The following SPECC1 variants were observed in gnomAD, a reference collection of about 807,000 sequenced individuals.
SPECC1 encodes the protein cytospin-B.
Under a neutral mutation model 104.1 loss-of-function variants are expected in SPECC1, and 62 were observed. The observed-to-expected ratio is 0.60, with a 90% confidence interval of 0.49 to 0.74. SPECC1 has a LOEUF of 0.74. Ranked by LOEUF, SPECC1 falls within the 30% of genes least tolerant of loss-of-function variation. The pLI is 0.00. For synonymous variants in SPECC1, 513 were observed against 501.6 expected, an observed-to-expected ratio of 1.02 and a Z score of -0.30; for missense variants, 1,306 against 1,310.5, an observed-to-expected ratio of 1.00 and a Z score of 0.05.
intron 1 of SPECC1, among the ~76,000 whole-genome samples, chr17:20,084,365 G>C (rs1036001979): frequency 1.4e-4 from 21 of 152,228 alleles, no homozygotes; most frequent in African/African-American, 4.6e-4. Context: ...GGAGGCAGAG[G>C]TTGCAGTGAG....
At chr17:20,031,374 C>T (rs976225392) in intron 1 of SPECC1, among the ~76,000 whole-genome samples, 16 of 152,022 alleles carry the variant, frequency 1.1e-4, no homozygotes, top group African/African-American at 3.1e-4. Context: ...GGCTAGAGTG[C>T]GGTGGCGCAA....
chr17:20,021,702 A>ATATTTTTTTTTTTT, intron 1 of SPECC1, among the ~76,000 whole-genome samples: 1 of 139,276 alleles, frequency 7.2e-6, no homozygotes, highest in East Asian at 2.1e-4. Context: ...ATATATATAT[A>ATATTTTTTTTTTTT]TTTTTTTGTA....
chr17:20,174,871 C>T (rs998513726), intron 3 of SPECC1, among the ~76,000 whole-genome samples: 1 of 152,054 alleles, frequency 6.6e-6, no homozygotes, highest in Admixed American at 6.5e-5. Context: ...TTCCTGGCAC[C>T]TCATTTGACC....
In SPECC1 at chr17:20,180,677, G is replaced by A. The variant is rs145179134; in HGVS notation, c.284-23656G>A. Among the ~76,000 whole-genome samples the A allele has an allele frequency of 1.6e-3, 240 of 152,306 alleles. 2 individuals are homozygous for A. The highest frequency in any genetic ancestry group is 5.4e-3 in the African/African-American group (225 of 41,558). ...TGGATAATGCATGTCTTGCCTAAAG[G>A]CATTGAAATTCATACATTTTAAAGC... On this transcript the variant is annotated intron_variant, in intron 3 of 14. Coordinates refer to ENST00000395527, the MANE Select transcript of SPECC1 (RefSeq NM_001243439.2).
chr17:20,040,413 C>T lies in SPECC1; in HGVS notation c.-22+30989C>T, dbSNP rs374079819. On this transcript the variant is annotated intron_variant, in intron 1 of 14. Transcript: ENST00000395527. The stretch of plus-strand genomic sequence containing the variant: ...TTGTAATTACATGTATTTTTGCTTA[C>T]TATGTTATTTCTTTCTTCTTGATGT... Among the ~76,000 whole-genome samples the T allele has an allele frequency of 5.7e-4, 86 of 152,186 alleles. No individual in the cohort carries two copies. In the South Asian group the frequency reaches 8.1e-3, roughly 14 times the overall value.
intron 3 of SPECC1, among the ~76,000 whole-genome samples, chr17:20,119,345 G>A (rs1449997073): frequency 6.6e-6 from 1 of 152,226 alleles, no homozygotes; most frequent in Non-Finnish European, 1.5e-5. Context: ...TGATTCTCCT[G>A]CCTCAGCCTC....
chr17:20,064,137 G>A (rs1366323569), intron 1 of SPECC1, among the ~76,000 whole-genome samples: 1 of 152,206 alleles, frequency 6.6e-6, no homozygotes, highest in Non-Finnish European at 1.5e-5. Flanking sequence ...AAAAAACCAC[G>A]AAGAGACAGG....
chr17:20,049,885 TCA>T (rs1174487323), intron 1 of SPECC1, among the ~76,000 whole-genome samples: 1 of 152,126 alleles, frequency 6.6e-6, no homozygotes, highest in African/African-American at 2.4e-5. Context: ...GTGCAATATC[TCA>T]GCTCACCGCA....
chr17:20,168,566 A>G (rs535982367), intron 3 of SPECC1, among the ~76,000 whole-genome samples: 2 of 152,338 alleles, frequency 1.3e-5, no homozygotes, highest in South Asian at 4.1e-4. Flanking sequence ...ACTGTATGAC[A>G]CTGTTTTCAA....
intron 12 of SPECC1, among the ~76,000 whole-genome samples, chr17:20,284,044 C>T (rs185544909): frequency 6.6e-6 from 1 of 152,232 alleles, no homozygotes; most frequent in East Asian, 1.9e-4. Flanking sequence ...GGCTTTCTTT[C>T]CCCAGGATTA....
At chr17:20,296,913 GCA>G (rs1460166851) in intron 12 of SPECC1, 46 bp from the exon 13 acceptor site, 17 of 1,541,414 alleles carry the variant, frequency 1.1e-5, no homozygotes, top group Non-Finnish European at 1.5e-5. Flanking sequence ...CTGTGATACT[GCA>G]CAGTTTGCAA....
rs1424502719 is a variant in SPECC1, at chr17:20,314,573, G to C, written c.*508G>C. On this transcript the variant is annotated 3_prime_UTR_variant, in exon 15 of 15. Coordinates refer to ENST00000395527, the MANE Select transcript of SPECC1 (RefSeq NM_001243439.2). ...TAGGATCGTTTGAGCCCAGGAGTTC[G>C]AGGCTGCAGTGAGCTATGAGCATAC... The C allele has an allele frequency of 5.6e-5, 15 of 268,048 alleles. No homozygotes were observed. The East Asian group carries it at 7.7e-4, about 14-fold the overall frequency. The allele number at this position is 268,048 out of a possible 1,614,324, so 16.6% of individuals were successfully genotyped here.
At chr17:20,094,142 C>T (rs537231929) in intron 1 of SPECC1, among the ~76,000 whole-genome samples, 24 of 152,070 alleles carry the variant, frequency 1.6e-4, no homozygotes, top group Admixed American at 6.6e-4. Context: ...GGAATGAAGC[C>T]GAAGATGCTC....
intron 4 of SPECC1, among the ~76,000 whole-genome samples, chr17:20,222,051 G>A (rs1418615845): frequency 6.7e-6 from 1 of 149,058 alleles, no homozygotes; most frequent in Non-Finnish European, 1.5e-5. Flanking sequence ...AGGAGTTACA[G>A]GGCCAGGCGT....
intron 1 of SPECC1, among the ~76,000 whole-genome samples, chr17:20,077,457 T>G (rs1044060274): frequency 1.3e-5 from 2 of 149,416 alleles, no homozygotes; most frequent in South Asian, 2.1e-4. Context: ...GGCTTTTTTT[T>G]GTTTGTTTGT....
At chr17:20,161,593 C>T (rs919577101) in intron 3 of SPECC1, among the ~76,000 whole-genome samples, 12 of 152,076 alleles carry the variant, frequency 7.9e-5, no homozygotes, top group East Asian at 1.9e-4. Context: ...TTGCATAACG[C>T]GTGATCTGTG....
At chr17:20,113,107 T>A (rs2048574992) in intron 3 of SPECC1, 3 of 670,716 alleles carry the variant, frequency 4.5e-6, no homozygotes, top group Admixed American at 2.4e-5. Context: ...TAAAAAAAAA[T>A]TTAGAGGATT....
At chr17:20,156,178 G>A (rs1336893476) in intron 3 of SPECC1, 1 of 1,444,144 alleles carries the variant, frequency 6.9e-7, no homozygotes, top group Non-Finnish European at 9.1e-7. Flanking sequence ...AAGCCGGCTG[G>A]TGCCCGAGTC....
chr17:20,140,935 T>TA (rs1235113819), intron 3 of SPECC1, among the ~76,000 whole-genome samples: 2 of 152,224 alleles, frequency 1.3e-5, no homozygotes, highest in Non-Finnish European at 2.9e-5. Flanking sequence ...ATGGCTGTCT[T>TA]ACCTCCCTCC....
Sources: gnomAD v4.1 joint callset for allele counts (sites outside exome capture counted in the v4.1 genomes callset) on GRCh38, gnomAD v4.1.1 for gene constraint, MANE v1.5 for transcripts, NCBI Gene and HGNC (gene_info 2026-07-23, HGNC 2026-07-21) for gene names.